The following STXBP4 variants were observed in gnomAD, a reference collection of about 807,000 sequenced individuals.
The protein encoded by STXBP4 is syntaxin-binding protein 4.
STXBP4 carries 55 observed loss-of-function variants against 76.1 expected under a neutral mutation model. The ratio of observed to expected loss-of-function variants is 0.72; its 90% CI spans 0.58 to 0.91. The LOEUF (loss-of-function observed/expected upper bound fraction) is 0.91. Ranked by LOEUF, STXBP4 falls within the 40% of genes least tolerant of loss-of-function variation. The pLI, the probability that STXBP4 is intolerant of heterozygous loss-of-function variation, is 0.00. For missense variants in STXBP4, 618 were observed against 636.9 expected (o/e 0.97, Z 0.32); for synonymous variants, 201 against 220.2 (o/e 0.91, Z 0.77).
At chr17:55,102,025 A>G (rs896840438) in intron 16 of STXBP4, among the ~76,000 whole-genome samples, 18 of 152,176 alleles carry the variant, frequency 1.2e-4, no homozygotes, top group South Asian at 6.2e-4. Context: ...ATTTATTTTT[A>G]GCTTCCTTCT....
chr17:55,048,618 C>T (rs540800670), intron 12 of STXBP4, among the ~76,000 whole-genome samples: 1 of 140,936 alleles, frequency 7.1e-6, no homozygotes, highest in East Asian at 2.0e-4. Context: ...AGATATTGAT[C>T]ACCCCCAAAA....
chr17:55,211,828 T>TG, the STXBP4 span, among the ~76,000 whole-genome samples: 3 of 143,120 alleles, frequency 2.1e-5, no homozygotes, highest in Admixed American at 7.0e-5. Flanking sequence ...TTTTTTTTTT[T>TG]GACGGAGTCT....
chr17:55,158,955 ATAT>A (rs1802453720), intron 17 of STXBP4, among the ~76,000 whole-genome samples: 1 of 152,228 alleles, frequency 6.6e-6, no homozygotes, highest in Admixed American at 6.5e-5. Context: ...AAAGAAGAAG[ATAT>A]TGTTGGTGGG....
intron 14 of STXBP4, among the ~76,000 whole-genome samples, chr17:55,078,408 G>A (rs1017445646): frequency 6.6e-6 from 1 of 152,112 alleles, no homozygotes; most frequent in Non-Finnish European, 1.5e-5. Flanking sequence ...AAGGTGATGG[G>A]ATTCCAAGTA....
At position 55,127,647 on chromosome 17, in the gene STXBP4, A is replaced by G. The variant is rs115553666; in HGVS notation, c.1490-13663A>G. Among the ~76,000 whole-genome samples the G allele has an allele frequency of 3.0e-3, 457 of 152,226 alleles. 5 individuals carry two copies. The highest frequency in any genetic ancestry group is 0.011 in the African/African-American group (443 of 41,544). On this transcript the variant is annotated intron_variant, in intron 16 of 17. Coordinates refer to ENST00000376352, the MANE Select transcript of STXBP4 (RefSeq NM_178509.6). ...TTATTGAGTTATCTAACTTCATGAG[A>G]GCTATTATTTGAAAAAATAACCCTC...
intron 1 of STXBP4, among the ~76,000 whole-genome samples, chr17:54,971,782 C>CT (rs1567864988): frequency 6.7e-6 from 1 of 148,778 alleles, no homozygotes; most frequent in Non-Finnish European, 1.5e-5. Context: ...TTTTTCTTTC[C>CT]TTTTTTATTT....
At chr17:54,998,995 A>C (rs2077861666) in intron 4 of STXBP4, among the ~76,000 whole-genome samples, 1 of 152,144 alleles carries the variant, frequency 6.6e-6, no homozygotes, top group African/African-American at 2.4e-5. Context: ...TCCCACAGTT[A>C]TTTGGCCCAC....
chr17:55,084,627 A>C (rs1435395475), intron 16 of STXBP4, among the ~76,000 whole-genome samples: 2 of 151,646 alleles, frequency 1.3e-5, no homozygotes, highest in African/African-American at 4.9e-5. Flanking sequence ...CTAACGTTTA[A>C]GTCTTTAATC....
At chr17:55,036,321 A>G (rs184518436) in intron 10 of STXBP4, among the ~76,000 whole-genome samples, 144 of 151,874 alleles carry the variant, frequency 9.5e-4, no homozygotes, top group Non-Finnish European at 4.3e-4. Flanking sequence ...TGAACATGTT[A>G]TGGCTTCTCA....
chr17:55,200,001 A>G, the STXBP4 span, among the ~76,000 whole-genome samples: 3 of 152,192 alleles, frequency 2.0e-5, no homozygotes, highest in Admixed American at 1.3e-4. Flanking sequence ...CCTCGGTCAT[A>G]TCTATCTAGC....
intron 16 of STXBP4, among the ~76,000 whole-genome samples, chr17:55,109,624 C>CTTTTTTTTTTTT (rs551292679): frequency 1.7e-5 from 2 of 114,376 alleles, no homozygotes; most frequent in Non-Finnish European, 3.5e-5. Flanking sequence ...AACTCAATGT[C>CTTTTTTTTTTTT]TTTTTTTTTT....
the STXBP4 span, among the ~76,000 whole-genome samples, chr17:55,200,963 A>C: frequency 6.6e-6 from 1 of 152,198 alleles, no homozygotes; most frequent in East Asian, 1.9e-4. Context: ...CTTATTAAGG[A>C]TGGTTACAGA....
chr17:55,020,663 C>CA (rs1379828198), intron 8 of STXBP4, among the ~76,000 whole-genome samples: 2 of 151,970 alleles, frequency 1.3e-5, no homozygotes, highest in Non-Finnish European at 2.9e-5. Context: ...ACTAAAAATA[C>CA]AAAAATTAGC....
chr17:55,003,370 C>T (rs1429843563), intron 7 of STXBP4, among the ~76,000 whole-genome samples: 4 of 152,150 alleles, frequency 2.6e-5, no homozygotes, highest in Non-Finnish European at 4.4e-5. Context: ...ACAATTAAGA[C>T]GGAACATTTT....
chr17:55,005,846 T>C (rs2077996733), intron 7 of STXBP4, among the ~76,000 whole-genome samples: 1 of 152,186 alleles, frequency 6.6e-6, no homozygotes, highest in Non-Finnish European at 1.5e-5. Flanking sequence ...CTGGTTGGTC[T>C]TCCATATCAT....
intron 9 of STXBP4, among the ~76,000 whole-genome samples, chr17:55,033,083 C>T (rs2078537227): frequency 6.6e-6 from 1 of 152,062 alleles, no homozygotes; most frequent in Non-Finnish European, 1.5e-5. Context: ...AAGAGAATTT[C>T]AGGTAGGAGG....
chr17:54,989,006 T>A (rs2144391402), intron 3 of STXBP4, among the ~76,000 whole-genome samples: 1 of 152,372 alleles, frequency 6.6e-6, no homozygotes, highest in Non-Finnish European at 1.5e-5. Context: ...TTTTAGAAAT[T>A]ATTTTTTTGA....
intron 13 of STXBP4, among the ~76,000 whole-genome samples, chr17:55,074,909 T>A (rs1242756862): frequency 1.3e-5 from 2 of 151,974 alleles, no homozygotes; most frequent in Non-Finnish European, 2.9e-5. Context: ...TTTTTTTTAA[T>A]CATGAGATTG....
intron 10 of STXBP4, 82 bp from the exon 11 acceptor site, chr17:55,043,154 A>G: frequency 1.6e-6 from 1 of 606,948 alleles, no homozygotes; most frequent in Middle Eastern, 4.6e-4. Context: ...GAAGCCTAAG[A>G]TTAGTCAAAA....
Sources: allele counts gnomAD v4.1 joint callset (sites outside exome capture counted in the v4.1 genomes callset), GRCh38; gene constraint gnomAD v4.1.1; transcripts MANE v1.5; gene names NCBI Gene and HGNC (gene_info 2026-07-23, HGNC 2026-07-21).